The following LRFN5 variants were observed in gnomAD, a reference collection of about 807,000 sequenced individuals.
The protein encoded by LRFN5 is leucine-rich repeat and fibronectin type-III domain-containing protein 5.
In LRFN5, 24 loss-of-function variants were observed where a neutral mutation model predicts 45.6. The ratio of observed to expected loss-of-function variants is 0.53; its 90% CI spans 0.38 to 0.74. The LOEUF is 0.74. Among genes scored for constraint, LRFN5 ranks in the 30% least tolerant of loss-of-function variants. The probability of loss-of-function intolerance (pLI) is 0.00; values close to 1 mark genes in which losing one functional copy is unlikely to be tolerated. For synonymous variants in LRFN5, 340 were observed against 313.8 expected, an observed-to-expected ratio of 1.08 and a Z score of -0.88; for missense variants, 776 against 861.5, an observed-to-expected ratio of 0.90 and a Z score of 1.24.
intron 2 of LRFN5, among the ~76,000 whole-genome samples, chr14:41,873,271 T>C (rs1890078717): frequency 6.6e-6 from 1 of 152,072 alleles, no homozygotes; most frequent in African/African-American, 2.4e-5. Flanking sequence ...AGAAACACAA[T>C]TAATGCAGAG....
intron 1 of LRFN5, among the ~76,000 whole-genome samples, chr14:41,640,039 A>G (rs965647012): frequency 6.9e-6 from 1 of 144,938 alleles, no homozygotes; most frequent in African/African-American, 2.6e-5. Flanking sequence ...GGCATAAGCA[A>G]TCCTCTTGAC....
chr14:41,841,489 G>T (rs893979531), intron 2 of LRFN5, among the ~76,000 whole-genome samples: 1 of 151,906 alleles, frequency 6.6e-6, no homozygotes, highest in South Asian at 2.1e-4. Context: ...ACCATTTTGT[G>T]TCTGGTTTCT....
At chr14:41,652,263 G>C (rs1273855904) in intron 1 of LRFN5, among the ~76,000 whole-genome samples, 1 of 151,888 alleles carries the variant, frequency 6.6e-6, no homozygotes, top group Non-Finnish European at 1.5e-5. Flanking sequence ...GTAGCATGTT[G>C]ACAATATTAT....
intron 1 of LRFN5, among the ~76,000 whole-genome samples, chr14:41,731,176 G>A (rs1031729506): frequency 3.3e-5 from 5 of 152,010 alleles, no homozygotes; most frequent in African/African-American, 1.2e-4. Context: ...GTAGGTCTTC[G>A]TCACTCTATT....
At chr14:41,694,799 A>G (rs72686505) in intron 1 of LRFN5, among the ~76,000 whole-genome samples, 1,821 of 152,050 alleles carry the variant, frequency 0.012, 17 homozygotes, top group South Asian at 0.02. Context: ...TGGTGTTACT[A>G]TGTAATTATT....
chr14:41,803,337 A>G (rs956808894), intron 2 of LRFN5, among the ~76,000 whole-genome samples: 32 of 152,094 alleles, frequency 2.1e-4, no homozygotes, highest in Admixed American at 1.8e-3. Flanking sequence ...TGAGCAGTGC[A>G]TTTATGTGCA....
At chr14:41,829,008 C>G (rs2139029048) in intron 2 of LRFN5, among the ~76,000 whole-genome samples, 1 of 151,918 alleles carries the variant, frequency 6.6e-6, no homozygotes, top group East Asian at 1.9e-4. Context: ...ATCCTTCTCC[C>G]ACATTTTATG....
chr14:41,657,119 C>A (rs1029019739), intron 1 of LRFN5, among the ~76,000 whole-genome samples: 1 of 151,866 alleles, frequency 6.6e-6, no homozygotes, highest in Non-Finnish European at 1.5e-5. Context: ...TGTTTTCCAG[C>A]CTCTCATCTA....
intron 3 of LRFN5, among the ~76,000 whole-genome samples, chr14:41,890,755 GTATA>G (rs1403036008): frequency 6.6e-6 from 1 of 151,346 alleles, no homozygotes; most frequent in Non-Finnish European, 1.5e-5. Flanking sequence ...TAGTTATTAA[GTATA>G]TATTTACTGG....
At chr14:41,861,738 T>C (rs1451254903) in intron 2 of LRFN5, among the ~76,000 whole-genome samples, 1 of 152,206 alleles carries the variant, frequency 6.6e-6, no homozygotes, top group South Asian at 2.1e-4. Flanking sequence ...AAGTAGATTG[T>C]AATATGCAGA....
chr14:41,722,692 T>G (rs1566637043), intron 1 of LRFN5, among the ~76,000 whole-genome samples: 1 of 152,166 alleles, frequency 6.6e-6, no homozygotes, highest in African/African-American at 2.4e-5. Context: ...GATTTTATAT[T>G]GGGCTGTGCA....
intron 2 of LRFN5, among the ~76,000 whole-genome samples, chr14:41,822,092 T>G (rs1888135067): frequency 6.6e-6 from 1 of 151,982 alleles, no homozygotes. Flanking sequence ...GCAAATTTGT[T>G]TATCTTTTTA....
At chr14:41,883,459 C>T (rs930981126) in intron 2 of LRFN5, among the ~76,000 whole-genome samples, 2 of 152,096 alleles carry the variant, frequency 1.3e-5, no homozygotes, top group Non-Finnish European at 2.9e-5. Context: ...TTTCCTTCAG[C>T]CTAAAGACAC....
chr14:41,813,035 A>G (rs1887789673), intron 2 of LRFN5, among the ~76,000 whole-genome samples: 1 of 152,164 alleles, frequency 6.6e-6, no homozygotes, highest in Non-Finnish European at 1.5e-5. Context: ...AATAGATAGG[A>G]AAGTTGTTTC....
intron 4 of LRFN5, among the ~76,000 whole-genome samples, chr14:41,897,214 A>C (rs1890970451): frequency 6.6e-6 from 1 of 151,836 alleles, no homozygotes; most frequent in Admixed American, 6.6e-5. Flanking sequence ...GGGATATAGA[A>C]AGTAACAATT....
chr14:41,669,690 C>T (rs924055786), intron 1 of LRFN5, among the ~76,000 whole-genome samples: 5 of 151,856 alleles, frequency 3.3e-5, no homozygotes, highest in African/African-American at 1.2e-4. Context: ...TTTGACCCAG[C>T]CAGTTCTTAC....
At chr14:41,802,916 T>G (rs1164201551) in intron 2 of LRFN5, among the ~76,000 whole-genome samples, 1 of 152,158 alleles carries the variant, frequency 6.6e-6, no homozygotes, top group Non-Finnish European at 1.5e-5. Flanking sequence ...GAAGACAAAT[T>G]GTAAGACCTT....
At chr14:41,759,020 A>G (rs951154742) in intron 1 of LRFN5, among the ~76,000 whole-genome samples, 3 of 152,128 alleles carry the variant, frequency 2.0e-5, no homozygotes, top group Non-Finnish European at 4.4e-5. Context: ...TATTCATATT[A>G]TATTCCTGGA....
intron 2 of LRFN5, among the ~76,000 whole-genome samples, chr14:41,872,248 G>A (rs1012377485): frequency 1.1e-4 from 16 of 152,130 alleles, no homozygotes; most frequent in African/African-American, 2.9e-4. Flanking sequence ...TCACTAATGT[G>A]GATGATTTAC....
Sources: allele counts gnomAD v4.1 joint callset (sites outside exome capture counted in the v4.1 genomes callset), GRCh38; gene constraint gnomAD v4.1.1; transcripts MANE v1.5; gene names NCBI Gene and HGNC (gene_info 2026-07-23, HGNC 2026-07-21).